MAPK4: variants seen among roughly 807,000 people sequenced by gnomAD.
MAPK4 encodes mitogen-activated protein kinase 4, also known as Erk3-related.
Under a neutral mutation model 47.7 loss-of-function variants are expected in MAPK4, and 22 were observed. The ratio of observed to expected loss-of-function variants is 0.46; its 90% CI spans 0.33 to 0.66. The LOEUF (loss-of-function observed/expected upper bound fraction) is 0.66, where lower values mean the gene tolerates loss of function less well. MAPK4 is among the 30% of genes least tolerant of loss of function. The pLI, the probability that MAPK4 is intolerant of heterozygous loss-of-function variation, is 0.02. For missense variants in MAPK4, 736 were observed against 831.7 expected (o/e 0.88, Z 1.42); for synonymous variants, 390 against 365.7 (o/e 1.07, Z -0.76).
chr18:50,591,931 T>C (rs574688875), intron 1 of MAPK4, among the ~76,000 whole-genome samples: 1 of 152,242 alleles, frequency 6.6e-6, no homozygotes, highest in Admixed American at 6.5e-5. Flanking sequence ...CTGACTCCTC[T>C]ATGAAGGGGG....
intron 1 of MAPK4, among the ~76,000 whole-genome samples, chr18:50,572,123 A>G (rs1299731824): frequency 6.6e-6 from 1 of 152,176 alleles, no homozygotes; most frequent in Admixed American, 6.5e-5. Flanking sequence ...ATTATTATGA[A>G]GTTTCAATAC....
At chr18:50,713,835 G>A (rs1402289989) in intron 2 of MAPK4, among the ~76,000 whole-genome samples, 4 of 152,300 alleles carry the variant, frequency 2.6e-5, no homozygotes, top group East Asian at 1.9e-4. Flanking sequence ...TGAGGCCAGC[G>A]TATGGGATGC....
At chr18:50,598,073 C>T (rs2042500355) in intron 1 of MAPK4, among the ~76,000 whole-genome samples, 1 of 152,202 alleles carries the variant, frequency 6.6e-6, no homozygotes, top group Non-Finnish European at 1.5e-5. Flanking sequence ...GTTTTAAAAG[C>T]TTCCTGGGCC....
At chr18:50,598,077 C>T (rs931234845) in intron 1 of MAPK4, among the ~76,000 whole-genome samples, 2 of 152,212 alleles carry the variant, frequency 1.3e-5, no homozygotes, top group African/African-American at 4.8e-5. Flanking sequence ...TAAAAGCTTC[C>T]TGGGCCTTCA....
intron 1 of MAPK4, among the ~76,000 whole-genome samples, chr18:50,581,461 C>T (rs910187895): frequency 1.3e-5 from 2 of 152,154 alleles, no homozygotes; most frequent in African/African-American, 2.4e-5. Flanking sequence ...AGAGAGCAAC[C>T]GAGCAGTTAC....
At position 50,639,689 on chromosome 18, in the gene MAPK4, G is replaced by A. The variant is rs16952277; in HGVS notation, c.-870-23400G>A. Among the ~76,000 whole-genome samples, 1,111 of 152,232 alleles carry A rather than the reference G, an allele frequency of 7.3e-3. 11 individuals are homozygous for A. Among genetic ancestry groups the A allele is most frequent in the African/African-American group, 0.026 (1,061 of 41,510 alleles). On this transcript the variant is annotated intron_variant, in intron 1 of 5. Coordinates refer to ENST00000400384, the MANE Select transcript of MAPK4 (RefSeq NM_002747.4). ...TATCACTTAGCGCCACATCATGCAC[G>A]TTTTCCGATGTCTTTAAATGGCCTT...
chr18:50,695,040 C>G (rs935492696), intron 2 of MAPK4, among the ~76,000 whole-genome samples: 1 of 151,958 alleles, frequency 6.6e-6, no homozygotes. Flanking sequence ...ATGATTGAAC[C>G]GGAAAGACAA....
chr18:50,657,084 A>G (rs1448843922), intron 1 of MAPK4, among the ~76,000 whole-genome samples: 1 of 152,168 alleles, frequency 6.6e-6, no homozygotes, highest in Non-Finnish European at 1.5e-5. Flanking sequence ...TGCAGCACCA[A>G]CACCACTTCC....
intron 1 of MAPK4, among the ~76,000 whole-genome samples, chr18:50,567,742 G>A (rs1439089497): frequency 6.6e-6 from 1 of 151,756 alleles, no homozygotes; most frequent in African/African-American, 2.4e-5. Context: ...GTGTGTGTGT[G>A]TGTGTGTGTG....
chr18:50,662,252 G>A (rs189700779), intron 1 of MAPK4, among the ~76,000 whole-genome samples: 6 of 152,290 alleles, frequency 3.9e-5, no homozygotes, highest in African/African-American at 1.2e-4. Context: ...TCTCTTAGAC[G>A]CTATGATATT....
intron 1 of MAPK4, among the ~76,000 whole-genome samples, chr18:50,642,401 G>A (rs1234695402): frequency 6.6e-6 from 1 of 152,182 alleles, no homozygotes; most frequent in Admixed American, 6.5e-5. Context: ...TACTAAGTAT[G>A]CTTCATATTT....
intron 3 of MAPK4, among the ~76,000 whole-genome samples, chr18:50,715,598 C>T (rs548522864): frequency 6.6e-6 from 1 of 152,232 alleles, no homozygotes; most frequent in Non-Finnish European, 1.5e-5. Flanking sequence ...GATTAGTGCC[C>T]TTGTAAATGA....
chr18:50,563,784 C>T (rs1473708721), intron 1 of MAPK4, among the ~76,000 whole-genome samples: 1 of 152,186 alleles, frequency 6.6e-6, no homozygotes, highest in Non-Finnish European at 1.5e-5. Context: ...ATGCTCTCTT[C>T]CTCTCCATCA....
chr18:50,724,129 A>G (rs549078373), intron 4 of MAPK4, among the ~76,000 whole-genome samples: 28 of 152,228 alleles, frequency 1.8e-4, no homozygotes, highest in African/African-American at 5.8e-4. Flanking sequence ...CTCCCACCTC[A>G]GCCTCCCGAG....
intron 1 of MAPK4, among the ~76,000 whole-genome samples, chr18:50,646,444 C>T (rs908640114): frequency 3.3e-5 from 5 of 152,188 alleles, no homozygotes; most frequent in Non-Finnish European, 4.4e-5. Flanking sequence ...CCTGGAAGCA[C>T]ACCTGGAGCT....
intron 5 of MAPK4, among the ~76,000 whole-genome samples, chr18:50,727,847 G>A (rs541642964): frequency 5.9e-5 from 9 of 152,284 alleles, no homozygotes; most frequent in Non-Finnish European, 8.8e-5. Context: ...GTAAAGCGGG[G>A]GTGATAACAC....
At chr18:50,568,227 A>C (rs2042219157) in intron 1 of MAPK4, among the ~76,000 whole-genome samples, 2 of 152,132 alleles carry the variant, frequency 1.3e-5, no homozygotes, top group Admixed American at 1.3e-4. Flanking sequence ...AGAAAAAAAG[A>C]ATTCCATACA....
intron 1 of MAPK4, among the ~76,000 whole-genome samples, chr18:50,637,688 C>T (rs73437761): frequency 5.9e-5 from 9 of 152,160 alleles, no homozygotes; most frequent in South Asian, 4.1e-4. Context: ...CCAACAGACA[C>T]GTATTTTCTC....
At chr18:50,720,755 C>G (rs1487262678) in intron 3 of MAPK4, among the ~76,000 whole-genome samples, 2 of 152,132 alleles carry the variant, frequency 1.3e-5, no homozygotes, top group African/African-American at 4.8e-5. Flanking sequence ...AGAGAGGACC[C>G]CACAGGGGGC....
Sources: allele counts gnomAD v4.1 joint callset (sites outside exome capture counted in the v4.1 genomes callset), GRCh38; gene constraint gnomAD v4.1.1; transcripts MANE v1.5; gene names NCBI Gene and HGNC (gene_info 2026-07-23, HGNC 2026-07-21).